Variants in TTBK2 observed in about 807,000 individuals in gnomAD.
The protein encoded by TTBK2 is tau tubulin kinase 2.
A neutral mutation model predicts 110.8 loss-of-function variants in TTBK2; 28 were observed. The observed-to-expected ratio is 0.25, with a 90% CI of 0.19 to 0.35. The LOEUF is 0.35. TTBK2 is among the 10% of genes least tolerant of loss of function. The pLI is 1.00. For missense variants in TTBK2, 1,369 were observed against 1,500.3 expected (o/e 0.91, Z 1.45); for synonymous variants, 532 against 527.3 (o/e 1.01, Z -0.12).
chr15:42,783,628 T>C lies in TTBK2; in HGVS notation c.988A>G (p.Asn330Asp). 1 of 1,613,560 alleles carries C rather than the reference T, an allele frequency of 6.2e-7. No individual in the cohort carries two copies. Among genetic ancestry groups the C allele is most frequent in the Non-Finnish European group, 8.5e-7 (1 of 1,179,792 alleles). The change falls in exon 11 of 15, where the codon AAT becomes GAT. Residue 330 changes from asparagine (N) to aspartate (D), a missense_variant. Transcript: ENST00000267890. ...RLTPAAIGIA[N>D]ATPIPGDLLR... is the part of the protein sequence containing the mutation. ...AAGTCTCCAGGGATGGGAGTAGCAT[T>C]GGCAATTCTACATATGAAGGGAGAA...
At chr15:42,896,932 A>G (rs8026509) in intron 1 of TTBK2, among the ~76,000 whole-genome samples, 3 of 151,298 alleles carry the variant, frequency 2.0e-5, no homozygotes, top group African/African-American at 7.3e-5. Flanking sequence ...AGGCTGGAGT[A>G]CAGTGGCACG....
rs1184647114 is a variant in TTBK2 at position 42,775,503 on chromosome 15, T to G, written c.1630A>C (p.Lys544Gln). The change falls in exon 13 of 15, where the codon AAG becomes CAG. Residue 544 changes from lysine to glutamine, a missense_variant. Coordinates refer to ENST00000267890, the MANE Select transcript of TTBK2 (RefSeq NM_173500.4). ...CATTCTTTGGAATCAATTTCTTGCT[T>G]GCAAGAGCTCAGGTTAACAGCTATA... ...GFIAVNLSSC[K>Q]QEIDSKEWVI... 5 of 1,614,096 alleles carry G rather than the reference T, an allele frequency of 3.1e-6. No individual in the cohort carries two copies. Among genetic ancestry groups the G allele is most frequent in the Non-Finnish European group, 4.2e-6 (5 of 1,180,038 alleles).
chr15:42,882,323 G>C (rs1205688151), intron 1 of TTBK2, among the ~76,000 whole-genome samples: 1 of 151,868 alleles, frequency 6.6e-6, no homozygotes, highest in African/African-American at 2.4e-5. Flanking sequence ...AAACAGCCAG[G>C]CACGGTGGCT....
intron 8 of TTBK2, 124 bp from the exon 9 acceptor site, chr15:42,810,863 G>C (rs970082232): frequency 6.3e-5 from 71 of 1,131,764 alleles, no homozygotes; most frequent in Non-Finnish European, 9.0e-5. Context: ...TAAGCATAAA[G>C]CAAGAACTGA....
At chr15:42,851,828 T>G (rs530069553) in intron 3 of TTBK2, among the ~76,000 whole-genome samples, 8 of 152,220 alleles carry the variant, frequency 5.3e-5, no homozygotes, top group Admixed American at 2.0e-4. Context: ...TAAAGGAAAC[T>G]TACTTCTCAC....
rs1452662722 is a variant in TTBK2 at position 42,739,274 on chromosome 15, G to C, written c.*6521C>G. 6.6e-6 allele frequency: 1 copy of C among 152,186 alleles called. No homozygotes were observed. Among genetic ancestry groups the C allele is most frequent in the Non-Finnish European group, 1.5e-5 (1 of 68,040 alleles). 9.4% of individuals were successfully genotyped at this position (152,186 alleles called of 1,614,324 possible). A position where few individuals can be genotyped will look rare whatever the true frequency, so the allele number is the denominator to read the frequency against. On this transcript the variant is annotated 3_prime_UTR_variant, in exon 15 of 15. Coordinates refer to ENST00000267890, the MANE Select transcript of TTBK2 (RefSeq NM_173500.4). The stretch of plus-strand genomic sequence containing the variant: ...TAGTTTCTCATCTCTCTGATTTCAG[G>C]AAGAGGAGAAGAGAGGGAGAGAAAA...
intron 9 of TTBK2, 88 bp from the exon 10 acceptor site, chr15:42,794,889 T>C: frequency 6.4e-7 from 1 of 1,552,298 alleles, no homozygotes; most frequent in Non-Finnish European, 8.8e-7. Flanking sequence ...ACTCATAAAA[T>C]GATTTTGTAA....
rs1595868494 is a variant in TTBK2, at chr15:42,740,917, G to C, written c.*4878C>G. The C allele has an allele frequency of 3.9e-5, 6 of 152,302 alleles. No homozygotes were observed. The South Asian group carries it at 1.0e-3, about 26-fold the overall frequency. 9.4% of individuals were successfully genotyped at this position (152,302 alleles called of 1,614,324 possible). ...AAAACTAAAGGACGAAAACTTTACT[G>C]TCATAATTCCAAGTTCAGTCAGGGA... On this transcript the variant is annotated 3_prime_UTR_variant, in exon 15 of 15. Transcript: ENST00000267890.
At position 42,819,269 on chromosome 15, in the gene TTBK2, C is replaced by G. The variant is rs768041152; in HGVS notation, c.538-2172G>C. On this transcript the variant is annotated intron_variant, in intron 6 of 14. Coordinates refer to ENST00000267890, the MANE Select transcript of TTBK2 (RefSeq NM_173500.4). ...AGATCACAAGGTCAAGAGATCGACA[C>G]CATCCTGACCAACATGGTGAAACCC... Among the ~76,000 whole-genome samples the G allele has an allele frequency of 5.5e-4, 84 of 151,634 alleles. 2 individuals carry two copies. Among genetic ancestry groups the G allele is most frequent in the Admixed American group, 5.3e-4 (8 of 15,218 alleles).
intron 1 of TTBK2, among the ~76,000 whole-genome samples, chr15:42,919,279 T>C (rs1656585870): frequency 2.4e-5 from 1 of 41,708 alleles, no homozygotes; most frequent in Non-Finnish European, 6.3e-5. Context: ...ACTGCTTCTT[T>C]ATTTAAAAAA....
chr15:42,873,594 A>T (rs946535173), intron 2 of TTBK2, among the ~76,000 whole-genome samples: 2 of 151,712 alleles, frequency 1.3e-5, no homozygotes, highest in African/African-American at 2.4e-5. Flanking sequence ...AAATAAGAGT[A>T]AAAAAAAATC....
At chr15:42,774,542 T>G (rs532191926) in intron 13 of TTBK2, among the ~76,000 whole-genome samples, 1 of 152,190 alleles carries the variant, frequency 6.6e-6, no homozygotes, top group African/African-American at 2.4e-5. Context: ...CGCCTCTACC[T>G]GCTTGTTAAA....
chr15:42,815,958 A>AAATATATATATATATAT lies in TTBK2; in HGVS notation c.603+1073_603+1074insATATATATATATATATT, dbSNP rs71108183. Among the ~76,000 whole-genome samples the AAATATATATATATATAT allele has an allele frequency of 2.7e-3, 247 of 91,674 alleles. 13 individuals carry two copies. Among genetic ancestry groups the AAATATATATATATATAT allele is most frequent in the African/African-American group, 9.4e-3 (152 of 16,130 alleles). The allele number at this position is 91,674 out of a possible 152,430, so 60.1% of individuals were successfully genotyped here. A position where few individuals can be genotyped will look rare whatever the true frequency, so the allele number is the denominator to read the frequency against. On this transcript the variant is annotated intron_variant, in intron 7 of 14. Coordinates refer to ENST00000267890, the MANE Select transcript of TTBK2 (RefSeq NM_173500.4). ...TATATATATATATATTTAAAAAAAA[A>AAATATATATATATATAT]ATATATATATATATATATATTTGAG...
chr15:42,794,063 T>TG (rs1188149740), intron 10 of TTBK2, among the ~76,000 whole-genome samples: 43 of 147,336 alleles, frequency 2.9e-4, no homozygotes, highest in African/African-American at 8.7e-4. Flanking sequence ...TTTTTTTTTT[T>TG]GACCAAAAAG....
chr15:42,837,086 G>A (rs943223174), intron 4 of TTBK2, among the ~76,000 whole-genome samples: 3 of 152,166 alleles, frequency 2.0e-5, no homozygotes, highest in Admixed American at 6.5e-5. Flanking sequence ...GAGGCTGGGC[G>A]CGGTGGCTTA....
chr15:42,753,734 G>A (rs530087176), intron 13 of TTBK2, among the ~76,000 whole-genome samples: 2 of 152,048 alleles, frequency 1.3e-5, no homozygotes, highest in South Asian at 2.1e-4. Flanking sequence ...TACTACCCTC[G>A]CCAAGTTCTG....
At chr15:42,896,391 T>G (rs1895669720) in intron 1 of TTBK2, among the ~76,000 whole-genome samples, 1 of 152,180 alleles carries the variant, frequency 6.6e-6, no homozygotes, top group Admixed American at 6.6e-5. Context: ...CAAATTATGT[T>G]GAAACAATTG....
intron 1 of TTBK2, among the ~76,000 whole-genome samples, chr15:42,891,914 T>A (rs1218367399): frequency 6.6e-6 from 1 of 152,078 alleles, no homozygotes; most frequent in African/African-American, 2.4e-5. Flanking sequence ...TTGACGCAAT[T>A]AGTGACAGAA....
rs140732347 is a variant in TTBK2, at chr15:42,740,032, A to G, written c.*5763T>C. 1.8e-4 allele frequency: 28 copies of G among 152,330 alleles called. No homozygotes were observed. Among genetic ancestry groups the G allele is most frequent in the African/African-American group, 6.7e-4 (28 of 41,570 alleles). The allele number at this position is 152,330 out of a possible 1,614,324, so 9.4% of individuals were successfully genotyped here. A position where few individuals can be genotyped will look rare whatever the true frequency, so the allele number is the denominator to read the frequency against. On this transcript the variant is annotated 3_prime_UTR_variant, in exon 15 of 15. Coordinates refer to ENST00000267890, the MANE Select transcript of TTBK2 (RefSeq NM_173500.4). ...ATTAAACTAATAAAAAGAGAGGTAA[A>G]ATTCCTATCCATTGTTATTGTAAAA... is the stretch of plus-strand genomic sequence containing the variant.
Sources: gnomAD v4.1 joint callset for allele counts (sites outside exome capture counted in the v4.1 genomes callset) on GRCh38, gnomAD v4.1.1 for gene constraint, MANE v1.5 for transcripts, NCBI Gene and HGNC (gene_info 2026-07-23, HGNC 2026-07-21) for gene names.